Variants in TRIM6 observed in about 807,000 individuals in gnomAD.
The protein encoded by TRIM6 is tripartite motif containing 6.
TRIM6 carries 43 observed loss-of-function variants against 51.2 expected under a neutral mutation model. The ratio of observed to expected loss-of-function variants is 0.84; its 90% CI spans 0.66 to 1.08. The LOEUF (loss-of-function observed/expected upper bound fraction) is 1.08, where lower values mean the gene tolerates loss of function less well. Ranked by LOEUF, TRIM6 falls within the 50% of genes least tolerant of loss-of-function variation. The probability of loss-of-function intolerance (pLI) is 0.00; values close to 1 mark genes in which losing one functional copy is unlikely to be tolerated. For missense variants in TRIM6, 669 were observed against 619.0 expected (o/e 1.08, Z -0.86); for synonymous variants, 215 against 232.4 (o/e 0.93, Z 0.68).
chr11:5,611,506 T>G lies in TRIM6; in HGVS notation c.*164T>G. The G allele has an allele frequency of 1.5e-6, 1 of 653,296 alleles. No homozygotes were observed. Among genetic ancestry groups the G allele is most frequent in the South Asian group, 2.0e-5 (1 of 48,960 alleles). The allele number at this position is 653,296 out of a possible 1,614,324, so 40.5% of individuals were successfully genotyped here. ...TCTCGCTCTGTCGCCCAGGCTGGAG[T>G]GCACTGGCGCAATCTCGGCTCACTG... is the stretch of plus-strand genomic sequence containing the variant. On this transcript the variant is annotated 3_prime_UTR_variant, in exon 8 of 8. Coordinates refer to ENST00000380097, the MANE Select transcript of TRIM6 (RefSeq NM_001003818.3).
Position 5,611,202 on chromosome 11 carries a change from A to G in TRIM6, c.1411A>G (p.Thr471Ala). 1 of 1,614,090 alleles carries G rather than the reference A, an allele frequency of 6.2e-7. No homozygotes were observed. Among genetic ancestry groups the G allele is most frequent in the Non-Finnish European group, 8.5e-7 (1 of 1,180,006 alleles). Residue 471 changes from threonine (T) to alanine (A), a missense_variant, in exon 8 of 8, where the codon ACT becomes GCT. Physicochemically the swap from Thr to Ala is moderately conservative, Grantham distance 58. Coordinates refer to ENST00000380097, the MANE Select transcript of TRIM6 (RefSeq NM_001003818.3). ...VGVFLDYEAG[T>A]VSFYNVTNHG... ...GGTTTTCTTAGATTATGAGGCTGGTACTGTCTCCTTTTATAATGTCACAAA... is the reference window on the plus strand; with the variant it reads ...GGTTTTCTTAGATTATGAGGCTGGTGCTGTCTCCTTTTATAATGTCACAAA...
intron 4 of TRIM6, 110 bp from the exon 5 acceptor site, chr11:5,608,262 A>G (rs1848343061): frequency 2.0e-6 from 3 of 1,501,282 alleles, no homozygotes; most frequent in East Asian, 2.4e-5. Context: ...CCTCCACATT[A>G]GGATTATCTT....
chr11:5,603,444 G>A lies in TRIM6; in HGVS notation c.216G>A (p.Arg72=). Residue 72 remains arginine (R), a synonymous_variant, in exon 2 of 8, where the codon AGG becomes AGA. Coordinates refer to ENST00000380097, the MANE Select transcript of TRIM6 (RefSeq NM_001003818.3). ...FCQACITPNG[R]ESVIGQEGER... ...AAGCCTGCATCACACCAAATGGCAG[G>A]GAATCAGTGATTGGTCAAGAAGGGG... 1 of 1,614,124 alleles carries A rather than the reference G, an allele frequency of 6.2e-7. No homozygotes were observed.
Position 5,610,951 on chromosome 11 carries a change from T to G in TRIM6, c.1160T>G (p.Val387Gly). ...TCCTCTGGTAAGCATTACTGGGAGG[T>G]AGATGTGGCCAAGAAGACTGCCTGG... ...HFSSGKHYWE[V>G]DVAKKTAWIL... The change falls in exon 8 of 8, where the codon GTA (valine) becomes GGA (glycine). Residue 387 changes from valine to glycine, a missense_variant. Physicochemically the swap from Val to Gly is moderately radical, Grantham distance 109 (BLOSUM62 -3). Coordinates refer to ENST00000380097, the MANE Select transcript of TRIM6 (RefSeq NM_001003818.3). 6.2e-7 allele frequency: 1 copy of G among 1,614,012 alleles called. No individual in the cohort carries two copies. The highest frequency in any genetic ancestry group is 1.1e-5 in the South Asian group (1 of 91,064).
rs568140632 is a variant in TRIM6 at position 5,605,543 on chromosome 11, G to A, written c.810G>A (p.Gln270=). 2 of 1,613,764 alleles carry A rather than the reference G, an allele frequency of 1.2e-6. No individual in the cohort carries two copies. The highest frequency in any genetic ancestry group is 2.2e-5 in the South Asian group (2 of 91,062). Reference sequence around the variant, plus strand: ...TCTCGGATCTGGAGCGTCGATGTCAGGGGTCAACAATGGAGCTGCTGCAGG... The same window carrying A: ...TCTCGGATCTGGAGCGTCGATGTCAAGGGTCAACAATGGAGCTGCTGCAGG... The part of the protein sequence containing the change: ...ELISDLERRC[Q]GSTMELLQDV... Residue 270 remains glutamine, a synonymous_variant, in exon 4 of 8, where the codon CAG becomes CAA. Coordinates refer to ENST00000380097, the MANE Select transcript of TRIM6 (RefSeq NM_001003818.3).
chr11:5,596,973 C>T lies in TRIM6; in HGVS notation c.17+59C>T. The T allele has an allele frequency of 1.9e-6, 3 of 1,613,136 alleles. No homozygotes were observed. In the East Asian group the frequency reaches 6.7e-5, roughly 36 times the overall value. On this transcript the variant is annotated intron_variant, in intron 1 of 7. Transcript: ENST00000380097. ...GTCACTTCTGGCAGAGGTGACAGGG[C>T]AGTGAAAGAGATAAGGTCCTTTCCC...
chr11:5,605,359 G>A lies in TRIM6; in HGVS notation c.626G>A (p.Cys209Tyr), dbSNP rs768911345. The stretch of plus-strand genomic sequence containing the variant: ...AAGAATCAGATGGAGCCTGAGAGAT[G>A]CAGGATCCAGACAGAGTTTAATCAG... ...SWKNQMEPER[C>Y]RIQTEFNQLR... Residue 209 changes from cysteine (C) to tyrosine (Y), a missense_variant, in exon 4 of 8, where the codon TGC (cysteine) becomes TAC (tyrosine). Coordinates refer to ENST00000380097, the MANE Select transcript of TRIM6 (RefSeq NM_001003818.3). 4 of 1,614,172 alleles carry A rather than the reference G, an allele frequency of 2.5e-6. No homozygotes were observed. The highest frequency in any genetic ancestry group is 3.4e-6 in the Non-Finnish European group (4 of 1,180,038).
intron 4 of TRIM6, among the ~76,000 whole-genome samples, chr11:5,607,511 T>C (rs1848296613): frequency 1.3e-5 from 2 of 152,050 alleles, no homozygotes; most frequent in Admixed American, 1.3e-4. Context: ...TTCTTCGGGG[T>C]CATTGAGATG....
chr11:5,599,085 T>C (rs2133812504), intron 1 of TRIM6, among the ~76,000 whole-genome samples: 1 of 152,350 alleles, frequency 6.6e-6, no homozygotes, highest in East Asian at 1.9e-4. Flanking sequence ...ATGTTTGGGT[T>C]CTTTCACTTT....
At position 5,611,684 on chromosome 11, in the gene TRIM6, C is replaced by T. The variant is rs902830781; in HGVS notation, c.*342C>T. ...GCCAGGCTGATCTCGAACTCCTGAC[C>T]GCAAGTGATCCACCCGCCTCGGTCT... On this transcript the variant is annotated 3_prime_UTR_variant, in exon 8 of 8. Transcript: ENST00000380097. 9.0e-6 allele frequency: 2 copies of T among 223,232 alleles called. No homozygotes were observed. The highest frequency in any genetic ancestry group is 5.2e-5 in the Admixed American group (1 of 19,282). 13.8% of individuals were successfully genotyped at this position (223,232 alleles called of 1,614,324 possible).
intron 1 of TRIM6, among the ~76,000 whole-genome samples, chr11:5,600,261 T>A (rs1002584748): frequency 2.6e-5 from 4 of 152,218 alleles, no homozygotes; most frequent in Non-Finnish European, 5.9e-5. Flanking sequence ...TTTATACAAC[T>A]ATGAGATGAG....
At chr11:5,600,862 G>A (rs539586939) in intron 1 of TRIM6, among the ~76,000 whole-genome samples, 5 of 152,160 alleles carry the variant, frequency 3.3e-5, no homozygotes, top group East Asian at 3.9e-4. Flanking sequence ...CTTCTTTGGT[G>A]GCCCAAACAC....
chr11:5,596,383 G>A (rs1847444099), upstream of TRIM6, among the ~76,000 whole-genome samples: 1 of 151,346 alleles, frequency 6.6e-6, no homozygotes, highest in African/African-American at 2.4e-5. Flanking sequence ...CGTGTAAAGA[G>A]AGTTAAACCT....
chr11:5,612,334 A>C lies in TRIM6; in HGVS notation c.*992A>C, dbSNP rs1247683107. 2.0e-5 allele frequency: 3 copies of C among 152,240 alleles called. No individual in the cohort carries two copies. Among genetic ancestry groups the C allele is most frequent in the Non-Finnish European group, 4.4e-5 (3 of 68,054 alleles). 9.4% of individuals were successfully genotyped at this position (152,240 alleles called of 1,614,324 possible). ...TGATAATTTGGGTAGCTTCAAACTC[A>C]AATTGAAGAGAGTCTTCACTACAAT... On this transcript the variant is annotated 3_prime_UTR_variant, in exon 8 of 8. Coordinates refer to ENST00000380097, the MANE Select transcript of TRIM6 (RefSeq NM_001003818.3).
In TRIM6 at chr11:5,600,949, T is replaced by C. The variant is rs375131175; in HGVS notation, c.18-2297T>C. On this transcript the variant is annotated intron_variant, in intron 1 of 7. Transcript: ENST00000380097. ...GCTGGAAACAGTTTTAAAAATTTTC[T>C]AAAGAGTATTCTCAGTGTGATTTTA... Among the ~76,000 whole-genome samples, 11 of 152,316 alleles carry C rather than the reference T, an allele frequency of 7.2e-5. No homozygotes were observed. In the South Asian group the frequency reaches 2.3e-3, roughly 32 times the overall value.
Position 5,610,058 on chromosome 11 carries a change from A to G in TRIM6, c.858-87A>G, listed in dbSNP as rs894094908. The G allele has an allele frequency of 2.0e-5, 28 of 1,383,784 alleles. No individual in the cohort carries two copies. The Admixed American group carries it at 5.2e-4, about 26-fold the overall frequency. 85.7% of individuals were successfully genotyped at this position (1,383,784 alleles called of 1,614,324 possible). A position where few individuals can be genotyped will look rare whatever the true frequency, so the allele number is the denominator to read the frequency against. ...TATTCAGAAAGGAGGATTGGAATTC[A>G]TCAGTAGGCTTGGGAGGTAAGGGAG... On this transcript the variant is annotated intron_variant, in intron 5 of 7. Coordinates refer to ENST00000380097, the MANE Select transcript of TRIM6 (RefSeq NM_001003818.3).
In TRIM6 at chr11:5,596,658, C is replaced by CT; in HGVS notation, c.-238dup. The CT allele has an allele frequency of 1.9e-6, 1 of 532,364 alleles. No homozygotes were observed. Among genetic ancestry groups the CT allele is most frequent in the East Asian group, 3.7e-5 (1 of 27,378 alleles). 33.0% of individuals were successfully genotyped at this position (532,364 alleles called of 1,614,324 possible). ...TCCCAGAAGGAGTTGGGAGATGAGCCTTCCGCAAACTCCTGACCTGTGGGT... is the reference window on the plus strand; with the variant it reads ...TCCCAGAAGGAGTTGGGAGATGAGCCTTTCCGCAAACTCCTGACCTGTGGGT... On this transcript the variant is annotated 5_prime_UTR_variant, in exon 1 of 8. It introduces an in-frame stop codon into an upstream open reading frame of the 5' UTR. Transcript: ENST00000380097.
intron 1 of TRIM6, among the ~76,000 whole-genome samples, chr11:5,597,455 G>C (rs1475061808): frequency 1.3e-5 from 2 of 152,110 alleles, no homozygotes; most frequent in African/African-American, 4.8e-5. Flanking sequence ...TTTTGAAACT[G>C]ATTATGTTCC....
In TRIM6 at chr11:5,612,165, A is replaced by G. The variant is rs1848603876; in HGVS notation, c.*823A>G. ...TATTGTTTAGATTTTGTTCTCATCT[A>G]TGTTAATGAAAGAAATTGGCCTGTA... On this transcript the variant is annotated 3_prime_UTR_variant, in exon 8 of 8. Transcript: ENST00000380097. 6.6e-6 allele frequency: 1 copy of G among 152,218 alleles called. No homozygotes were observed. The highest frequency in any genetic ancestry group is 1.5e-5 in the Non-Finnish European group (1 of 68,034). 9.4% of individuals were successfully genotyped at this position (152,218 alleles called of 1,614,324 possible). A position where few individuals can be genotyped will look rare whatever the true frequency, so the allele number is the denominator to read the frequency against.
Sources: allele counts gnomAD v4.1 joint callset (sites outside exome capture counted in the v4.1 genomes callset), GRCh38; gene constraint gnomAD v4.1.1; transcripts MANE v1.5; gene names NCBI Gene and HGNC (gene_info 2026-07-23, HGNC 2026-07-21).